The following FRMD4A variants were observed in gnomAD, a reference collection of about 807,000 sequenced individuals.
The protein encoded by FRMD4A is FERM domain-containing protein 4A.
Under a neutral mutation model 129.1 loss-of-function variants are expected in FRMD4A, and 29 were observed. The ratio of observed to expected loss-of-function variants is 0.22; its 90% CI spans 0.17 to 0.31. The LOEUF (loss-of-function observed/expected upper bound fraction) is 0.31. FRMD4A is among the 10% of genes least tolerant of loss of function. FRMD4A has a pLI of 1.00. For synonymous variants in FRMD4A, 634 were observed against 571.6 expected (o/e 1.11, Z -1.56); for missense variants, 1,272 against 1,375.8 (o/e 0.92, Z 1.19).
intron 2 of FRMD4A, among the ~76,000 whole-genome samples, chr10:14,301,006 G>A (rs1000646154): frequency 6.6e-6 from 1 of 152,172 alleles, no homozygotes; most frequent in African/African-American, 2.4e-5. Context: ...TAACCTCCAG[G>A]AGGGATGGAG....
intron 15 of FRMD4A, chr10:13,692,425 G>A (rs1055872313): frequency 6.6e-6 from 1 of 152,182 alleles, no homozygotes; most frequent in Admixed American, 6.5e-5. Flanking sequence ...TGAGATTACA[G>A]GCCTGAGCCA....
At chr10:13,947,268 ACT>A (rs548392696) in intron 2 of FRMD4A, among the ~76,000 whole-genome samples, 50 of 152,204 alleles carry the variant, frequency 3.3e-4, no homozygotes, top group African/African-American at 1.1e-3. Flanking sequence ...AGATATTAGC[ACT>A]CTCTATATAC....
At chr10:13,853,750 T>C (rs573005453) in intron 3 of FRMD4A, among the ~76,000 whole-genome samples, 72 of 146,200 alleles carry the variant, frequency 4.9e-4, no homozygotes, top group Middle Eastern at 3.7e-3. Context: ...GGAGATCGTT[T>C]GAACCCAGGA....
intron 2 of FRMD4A, among the ~76,000 whole-genome samples, chr10:14,011,208 G>T (rs966918124): frequency 3.9e-5 from 6 of 152,188 alleles, no homozygotes; most frequent in Admixed American, 1.3e-4. Flanking sequence ...ACAGGAAAAT[G>T]GAAAACTCTG....
intron 15 of FRMD4A, among the ~76,000 whole-genome samples, chr10:13,676,757 A>C (rs2084042548): frequency 6.6e-6 from 1 of 152,188 alleles, no homozygotes; most frequent in South Asian, 2.1e-4. Flanking sequence ...AACTGTCCTA[A>C]AGACCTAAAT....
intron 11 of FRMD4A, among the ~76,000 whole-genome samples, chr10:13,738,688 C>T (rs192758314): frequency 8.0e-4 from 122 of 152,196 alleles, no homozygotes; most frequent in African/African-American, 2.7e-3. Context: ...TGGCACAATC[C>T]TGGCTCACTG....
intron 21 of FRMD4A, among the ~76,000 whole-genome samples, chr10:13,658,717 CT>C: frequency 6.6e-6 from 1 of 152,210 alleles, no homozygotes; most frequent in Non-Finnish European, 1.5e-5. Context: ...CCCGTCTCTA[CT>C]AAAAAATACA....
At chr10:14,187,032 T>G (rs990709237) in intron 2 of FRMD4A, among the ~76,000 whole-genome samples, 1 of 151,436 alleles carries the variant, frequency 6.6e-6, no homozygotes, top group African/African-American at 2.4e-5. Context: ...GGCAAGAAGA[T>G]TGCCTGAGCC....
At chr10:14,055,958 G>C (rs1049357014) in intron 2 of FRMD4A, among the ~76,000 whole-genome samples, 2 of 151,466 alleles carry the variant, frequency 1.3e-5, no homozygotes, top group Non-Finnish European at 2.9e-5. Context: ...TTTTTGAGAC[G>C]GAGTCTCGCT....
At chr10:14,239,681 G>T (rs1026686002) in intron 2 of FRMD4A, among the ~76,000 whole-genome samples, 1 of 152,160 alleles carries the variant, frequency 6.6e-6, no homozygotes, top group African/African-American at 2.4e-5. Context: ...GCCAGGTGGG[G>T]TAGGCAGGTT....
At chr10:14,188,198 T>TA (rs976401602) in intron 2 of FRMD4A, among the ~76,000 whole-genome samples, 1 of 152,112 alleles carries the variant, frequency 6.6e-6, no homozygotes, top group African/African-American at 2.4e-5. Context: ...TGGAATCAAA[T>TA]AAAAAATGAC....
intron 2 of FRMD4A, among the ~76,000 whole-genome samples, chr10:13,929,989 A>T (rs1405904608): frequency 6.6e-6 from 1 of 152,246 alleles, no homozygotes; most frequent in Non-Finnish European, 1.5e-5. Context: ...AATAAATATT[A>T]ACCAAAAGGA....
At chr10:13,861,302 A>G (rs1210906841) in intron 2 of FRMD4A, among the ~76,000 whole-genome samples, 2 of 152,234 alleles carry the variant, frequency 1.3e-5, no homozygotes, top group Non-Finnish European at 2.9e-5. Flanking sequence ...CTGGTTCAAC[A>G]GGGATTATTC....
At chr10:13,728,498 T>C (rs1311553764) in intron 12 of FRMD4A, among the ~76,000 whole-genome samples, 1 of 151,690 alleles carries the variant, frequency 6.6e-6, no homozygotes, top group Non-Finnish European at 1.5e-5. Flanking sequence ...GGCCATTTTA[T>C]TGGAGAGGAT....
At chr10:13,919,502 T>C (rs1227345926) in intron 2 of FRMD4A, among the ~76,000 whole-genome samples, 1 of 152,148 alleles carries the variant, frequency 6.6e-6, no homozygotes, top group African/African-American at 2.4e-5. Context: ...TGAGATTATA[T>C]ATACACAAAT....
chr10:13,935,267 G>C (rs1475613499), intron 2 of FRMD4A, among the ~76,000 whole-genome samples: 2 of 151,632 alleles, frequency 1.3e-5, no homozygotes, highest in East Asian at 1.9e-4. Context: ...ATGAAACCCT[G>C]TCTCTACTAA....
At chr10:14,155,756 A>G (rs1317118016) in intron 2 of FRMD4A, among the ~76,000 whole-genome samples, 1 of 152,108 alleles carries the variant, frequency 6.6e-6, no homozygotes, top group Non-Finnish European at 1.5e-5. Flanking sequence ...GAGTGGTTGG[A>G]GGTTTGGAGG....
At chr10:14,180,453 C>T (rs1002681612) in intron 2 of FRMD4A, among the ~76,000 whole-genome samples, 2 of 152,180 alleles carry the variant, frequency 1.3e-5, no homozygotes. Context: ...GGGAAAGATA[C>T]ACCCACGCTA....
At chr10:14,029,571 G>GT (rs758573584) in intron 2 of FRMD4A, among the ~76,000 whole-genome samples, 15 of 152,140 alleles carry the variant, frequency 9.9e-5, no homozygotes, top group Non-Finnish European at 1.0e-4. Context: ...TAGAGCAGTG[G>GT]TTTTCTATTC....
Sources: gnomAD v4.1 joint callset for allele counts (sites outside exome capture counted in the v4.1 genomes callset) on GRCh38, gnomAD v4.1.1 for gene constraint, MANE v1.5 for transcripts, NCBI Gene and HGNC (gene_info 2026-07-23, HGNC 2026-07-21) for gene names.